Variants in HDAC9 observed in about 807,000 individuals in gnomAD.
HDAC9 encodes MEF-2 interacting transcription repressor (MITR) protein.
A neutral mutation model predicts 139.4 loss-of-function variants in HDAC9; 41 were observed. That is an observed-to-expected ratio of 0.29 (90% CI 0.23 to 0.38). The LOEUF is 0.38. Ranked by LOEUF, HDAC9 falls within the 10% of genes least tolerant of loss-of-function variation. The pLI is 1.00. For missense variants in HDAC9, 1,147 were observed against 1,297.0 expected, an observed-to-expected ratio of 0.88 and a Z score of 1.78; for synonymous variants, 517 against 476.2, an observed-to-expected ratio of 1.09 and a Z score of -1.12.
At chr7:18,384,776 A>G (rs1406612592) in intron 1 of HDAC9, among the ~76,000 whole-genome samples, 1 of 152,132 alleles carries the variant, frequency 6.6e-6, no homozygotes, top group African/African-American at 2.4e-5. Context: ...AAAGAAAAAA[A>G]AAAAAAGGTT....
chr7:18,234,581 G>A (rs912129839), intron 2 of HDAC9, among the ~76,000 whole-genome samples: 16 of 152,150 alleles, frequency 1.1e-4, no homozygotes, highest in Admixed American at 4.6e-4. Flanking sequence ...TTAGGAATCC[G>A]AGGCATAGCA....
intron 25 of HDAC9, among the ~76,000 whole-genome samples, chr7:18,976,514 G>C (rs1784561031): frequency 6.6e-6 from 1 of 152,116 alleles, no homozygotes; most frequent in Admixed American, 6.5e-5. Context: ...GTGTGAACTT[G>C]GGGCTGATTT....
chr7:18,968,720 G>T (rs1328485043), intron 24 of HDAC9, among the ~76,000 whole-genome samples: 1 of 152,052 alleles, frequency 6.6e-6, no homozygotes, highest in Non-Finnish European at 1.5e-5. Context: ...AGCACTTTGG[G>T]AGGCCGAGGC....
intron 1 of HDAC9, among the ~76,000 whole-genome samples, chr7:18,158,809 G>A (rs893090947): frequency 2.0e-5 from 3 of 152,238 alleles, no homozygotes; most frequent in Non-Finnish European, 2.9e-5. Flanking sequence ...ACAGTAATAG[G>A]CTGGGACAGT....
At chr7:18,621,245 A>G (rs949977113) in intron 6 of HDAC9, among the ~76,000 whole-genome samples, 11 of 151,728 alleles carry the variant, frequency 7.2e-5, no homozygotes, top group African/African-American at 2.7e-4. Context: ...AGATATAATC[A>G]TAAATATAAT....
chr7:18,298,377 C>A (rs562740541), intron 1 of HDAC9, among the ~76,000 whole-genome samples: 2 of 151,768 alleles, frequency 1.3e-5, no homozygotes, highest in South Asian at 2.1e-4. Context: ...TGCTGGTGCG[C>A]TACACCCAGT....
intron 2 of HDAC9, among the ~76,000 whole-genome samples, chr7:18,540,478 G>A (rs1013225337): frequency 2.0e-5 from 3 of 152,138 alleles, no homozygotes; most frequent in African/African-American, 7.2e-5. Context: ...AGAACTTGAT[G>A]TGTTCTAGAT....
intron 17 of HDAC9, among the ~76,000 whole-genome samples, chr7:18,802,152 T>C (rs1267935580): frequency 6.6e-6 from 1 of 151,936 alleles, no homozygotes; most frequent in Non-Finnish European, 1.5e-5. Context: ...CTTTTCTACT[T>C]ATTAGAGCTA....
At chr7:18,949,340 T>C in intron 23 of HDAC9, 1 of 255,974 alleles carries the variant, frequency 3.9e-6, no homozygotes, top group Non-Finnish European at 7.7e-6. Context: ...GCAGCTCGCT[T>C]TCCAGATATA....
chr7:18,847,587 G>T (rs971098916), intron 21 of HDAC9, among the ~76,000 whole-genome samples: 7 of 152,172 alleles, frequency 4.6e-5, no homozygotes, highest in Admixed American at 4.6e-4. Flanking sequence ...CGCCTCAGGA[G>T]ACTCTACAAA....
intron 16 of HDAC9, among the ~76,000 whole-genome samples, chr7:18,782,442 TTA>T (rs2129171600): frequency 6.6e-6 from 1 of 152,204 alleles, no homozygotes; most frequent in Non-Finnish European, 1.5e-5. Flanking sequence ...GACAGGTAGC[TTA>T]ATTTCTATCA....
intron 1 of HDAC9, among the ~76,000 whole-genome samples, chr7:18,469,458 G>C (rs1032141298): frequency 3.0e-4 from 46 of 152,042 alleles, no homozygotes; most frequent in African/African-American, 9.9e-4. Flanking sequence ...GGTTGACCTT[G>C]CAAAACTCAC....
chr7:18,995,193 T>C (rs1456203532), intron 25 of HDAC9, among the ~76,000 whole-genome samples: 1 of 152,216 alleles, frequency 6.6e-6, no homozygotes, highest in Non-Finnish European at 1.5e-5. Context: ...AAATCAGCAG[T>C]TGCAAAATTA....
In HDAC9 at chr7:18,793,335, G is replaced by C. The variant is rs568691706; in HGVS notation, c.2215-10G>C. 8 of 1,550,328 alleles carry C rather than the reference G, an allele frequency of 5.2e-6. No individual in the cohort carries two copies. Among genetic ancestry groups the C allele is most frequent in the South Asian group, 2.4e-5 (2 of 84,370 alleles). ...CTTCTGTCTTCGGACTCTGCTGACT[G>C]TTTGCTCAGGTGGACAGTGACACCA... On this transcript the variant is annotated splice_polypyrimidine_tract_variant and intron_variant, in intron 16 of 25. Coordinates refer to ENST00000686413, the MANE Select transcript of HDAC9 (RefSeq NM_178425.4).
At chr7:18,614,697 C>G (rs753872346) in intron 6 of HDAC9, among the ~76,000 whole-genome samples, 14 of 152,150 alleles carry the variant, frequency 9.2e-5, no homozygotes, top group Non-Finnish European at 1.5e-4. Context: ...TTAAGTACAA[C>G]ATTTTTTCTA....
At chr7:18,838,265 C>T (rs145261223) in intron 21 of HDAC9, among the ~76,000 whole-genome samples, 12 of 152,034 alleles carry the variant, frequency 7.9e-5, no homozygotes, top group South Asian at 2.1e-4. Flanking sequence ...ATATGTCATA[C>T]GTATTATTCT....
chr7:18,564,246 A>C (rs1821551766), intron 2 of HDAC9, among the ~76,000 whole-genome samples: 1 of 152,212 alleles, frequency 6.6e-6, no homozygotes, highest in Admixed American at 6.5e-5. Flanking sequence ...AATTGAAAAA[A>C]AAAAATTGTC....
At chr7:18,243,621 A>G (rs1428571549) in intron 2 of HDAC9, among the ~76,000 whole-genome samples, 1 of 152,238 alleles carries the variant, frequency 6.6e-6, no homozygotes, top group African/African-American at 2.4e-5. Context: ...AAAAGGTAAG[A>G]TTGGGGAAGA....
intron 2 of HDAC9, among the ~76,000 whole-genome samples, chr7:18,253,789 G>T (rs190348192): frequency 6.6e-6 from 1 of 152,326 alleles, no homozygotes; most frequent in East Asian, 1.9e-4. Flanking sequence ...GTCCCCAGTG[G>T]ATCCTCTGCA....
Sources: gnomAD v4.1 joint callset for allele counts (sites outside exome capture counted in the v4.1 genomes callset) on GRCh38, gnomAD v4.1.1 for gene constraint, MANE v1.5 for transcripts, NCBI Gene and HGNC (gene_info 2026-07-23, HGNC 2026-07-21) for gene names.